Variants in COG3 observed in about 807,000 individuals in gnomAD.
COG3 encodes conserved oligomeric Golgi complex subunit 3.
Under a neutral mutation model 114.1 loss-of-function variants are expected in COG3, and 32 were observed. The ratio of observed to expected loss-of-function variants is 0.28; its 90% confidence interval spans 0.21 to 0.38. The LOEUF (loss-of-function observed/expected upper bound fraction) is 0.38, where lower values mean the gene tolerates loss of function less well. Among genes scored for constraint, COG3 ranks in the 10% least tolerant of loss-of-function variants. The probability of loss-of-function intolerance (pLI) is 1.00; values close to 1 mark genes in which losing one functional copy is unlikely to be tolerated. For synonymous variants in COG3, 352 were observed against 365.7 expected (o/e 0.96, Z 0.43); for missense variants, 813 against 973.2 (o/e 0.84, Z 2.19).
intron 8 of COG3, 46 bp downstream of exon 8, chr13:45,486,621 T>C: frequency 8.7e-7 from 1 of 1,149,110 alleles, no homozygotes; most frequent in Non-Finnish European, 1.3e-6. Context: ...AATTTGTTCA[T>C]CTGCCCTTTT....
rs1342744256 is a variant in COG3 at position 45,486,324 on chromosome 13, A to T, written c.844-171A>T. On this transcript the variant is annotated intron_variant, in intron 7 of 22. Transcript: ENST00000349995. ...GGAGACGGGAGACGGGAGACGGGAG[A>T]CGGGAGACGGGAGACGGGAGAGGGA... is the stretch of plus-strand genomic sequence containing the variant. Among the ~76,000 whole-genome samples, 3 of 43,030 alleles carry T rather than the reference A, an allele frequency of 7.0e-5. 1 individual carries two copies. Among genetic ancestry groups the T allele is most frequent in the African/African-American group, 1.9e-4 (2 of 10,392 alleles). The allele number at this position is 43,030 out of a possible 152,430, so 28.2% of individuals were successfully genotyped here. A position where few individuals can be genotyped will look rare whatever the true frequency, so the allele number is the denominator to read the frequency against.
intron 15 of COG3, 59 bp from the exon 16 acceptor site, chr13:45,511,706 T>A: frequency 7.8e-7 from 1 of 1,287,262 alleles, no homozygotes; most frequent in Non-Finnish European, 1.1e-6. Flanking sequence ...GCCTAGGATA[T>A]TCCTTTTTTT....
intron 2 of COG3, among the ~76,000 whole-genome samples, chr13:45,476,762 A>C (rs1438891426): frequency 6.6e-6 from 1 of 152,110 alleles, no homozygotes; most frequent in Admixed American, 6.6e-5. Flanking sequence ...ATTTTTCAGT[A>C]ATTTAGCATG....
intron 3 of COG3, 93 bp downstream of exon 3, chr13:45,479,159 G>T: frequency 1.1e-6 from 1 of 902,142 alleles, no homozygotes. Flanking sequence ...ATAAAACTGA[G>T]GTATTAAGAA....
In COG3 at chr13:45,493,416, C is replaced by T. The variant is rs1480445617; in HGVS notation, c.1257C>T (p.His419=). 1 of 1,613,072 alleles carries T rather than the reference C, an allele frequency of 6.2e-7. No homozygotes were observed. Among genetic ancestry groups the T allele is most frequent in the African/African-American group, 1.3e-5 (1 of 74,982 alleles). ...VFRPLIIHVI[H]LETLSELCGI... is the part of the protein sequence containing the mutation. ...GGCCATTGATCATTCATGTTATTCA[C>T]TTAGAGACTCTGTCGGAACTTTGTG... is the stretch of plus-strand genomic sequence containing the variant. The change falls in exon 12 of 23, where the codon CAC becomes CAT. Residue 419 remains histidine (H), a synonymous_variant. Transcript: ENST00000349995.
At position 45,494,864 on chromosome 13, in the gene COG3, C is replaced by CTT. The variant is rs56330728; in HGVS notation, c.1328-1275_1328-1274dup. On this transcript the variant is annotated intron_variant, in intron 12 of 22. Coordinates refer to ENST00000349995, the MANE Select transcript of COG3 (RefSeq NM_031431.4). ...TTTTTTTTTTCTTTTTTTCTCTTTT[C>CTT]TTTTTTTTTTTTTTGAGACGGAGTC... Among the ~76,000 whole-genome samples, 974 of 131,686 alleles carry CTT rather than the reference C, an allele frequency of 7.4e-3. 13 individuals are homozygous for CTT. Among genetic ancestry groups the CTT allele is most frequent in the Non-Finnish European group, 8.5e-3 (545 of 64,046 alleles). 86.4% of individuals were successfully genotyped at this position (131,686 alleles called of 152,430 possible).
chr13:45,486,920 G>T (rs1886704369), intron 8 of COG3, among the ~76,000 whole-genome samples: 1 of 152,192 alleles, frequency 6.6e-6, no homozygotes, highest in Non-Finnish European at 1.5e-5. Flanking sequence ...AGACATAAAA[G>T]ACATACATTT....
chr13:45,494,650 G>A (rs767666637), intron 12 of COG3, among the ~76,000 whole-genome samples: 18 of 151,856 alleles, frequency 1.2e-4, no homozygotes, highest in Non-Finnish European at 2.2e-4. Context: ...TCAGTCTCTT[G>A]AGGAGCTGAG....
Position 45,513,562 on chromosome 13 carries a change from A to T in COG3, c.1809+1708A>T, listed in dbSNP as rs192081921. Among the ~76,000 whole-genome samples, 469 of 144,804 alleles carry T rather than the reference A, an allele frequency of 3.2e-3. 10 individuals carry two copies. The highest frequency in any genetic ancestry group is 0.011 in the African/African-American group (445 of 39,404). 95.0% of individuals were successfully genotyped at this position (144,804 alleles called of 152,430 possible). A position where few individuals can be genotyped will look rare whatever the true frequency, so the allele number is the denominator to read the frequency against. On this transcript the variant is annotated intron_variant, in intron 16 of 22. Coordinates refer to ENST00000349995, the MANE Select transcript of COG3 (RefSeq NM_031431.4). ...TATATACATATAAATTATATATATAAAAGTGATATATACATTTTATATATA... is the reference window on the plus strand; with the variant it reads ...TATATACATATAAATTATATATATATAAGTGATATATACATTTTATATATA...
At chr13:45,494,622 G>T (rs1322306202) in intron 12 of COG3, among the ~76,000 whole-genome samples, 1 of 151,738 alleles carries the variant, frequency 6.6e-6, no homozygotes, top group Non-Finnish European at 1.5e-5. Context: ...GCCTCCCGGG[G>T]TCAAGTGATC....
At chr13:45,481,130 C>T (rs999565610) in intron 4 of COG3, 100 bp from the exon 5 acceptor site, 6 of 699,126 alleles carry the variant, frequency 8.6e-6, no homozygotes, top group Non-Finnish European at 1.5e-5. Flanking sequence ...TGATATAAAC[C>T]TCTGTGTCTA....
At chr13:45,470,766 A>G (rs926681383) in intron 1 of COG3, among the ~76,000 whole-genome samples, 16 of 152,230 alleles carry the variant, frequency 1.1e-4, no homozygotes, top group African/African-American at 3.9e-4. Context: ...ATGTTGGAAG[A>G]CTGAAGTTTG....
chr13:45,504,140 C>G (rs926273691), intron 14 of COG3, among the ~76,000 whole-genome samples: 4 of 152,136 alleles, frequency 2.6e-5, no homozygotes, highest in South Asian at 2.1e-4. Flanking sequence ...AAGGTGGGTA[C>G]TGTAACTCCA....
intron 7 of COG3, 35 bp from the exon 8 acceptor site, chr13:45,486,460 A>G (rs1178286729): frequency 2.3e-6 from 3 of 1,298,486 alleles, no homozygotes; most frequent in Non-Finnish European, 3.4e-6. Flanking sequence ...TTTGCTAATT[A>G]TCTTCCTTCC....
chr13:45,491,437 C>T lies in COG3; in HGVS notation c.994C>T (p.His332Tyr), dbSNP rs1887012330. 1.2e-6 allele frequency: 2 copies of T among 1,612,146 alleles called. No homozygotes were observed. The highest frequency in any genetic ancestry group is 1.7e-6 in the Non-Finnish European group (2 of 1,179,316). Residue 332 changes from histidine to tyrosine, a missense_variant, in exon 10 of 23, where the codon CAC becomes TAC. This residue lies in a region of COG3 where 424 missense variants were observed against 430.6 expected (regional missense o/e 0.98). Coordinates refer to ENST00000349995, the MANE Select transcript of COG3 (RefSeq NM_031431.4). Reference protein sequence around the residue: ...PEYQQLLNDIHQCYLDQRELL... With the variant: ...PEYQQLLNDIYQCYLDQRELL... The stretch of plus-strand genomic sequence containing the variant: ...ATACCAACAACTGCTAAATGATATC[C>T]ACCAGTGTTACCTTGATCAGCGGGA...
At chr13:45,476,414 G>T in intron 2 of COG3, 67 bp downstream of exon 2, 1 of 1,481,744 alleles carries the variant, frequency 6.7e-7, no homozygotes, top group Non-Finnish European at 9.3e-7. Context: ...GGCTAATAAA[G>T]TCCTAATTAA....
chr13:45,483,367 G>A lies in COG3; in HGVS notation c.843+12G>A, dbSNP rs775032519. On this transcript the variant is annotated intron_variant, in intron 7 of 22. Transcript: ENST00000349995. ...AGTTACTGAAAAGGGTGAGTTAACT[G>A]ATCTCAACAACAGGTTTTTGTTATT... 3.2e-6 allele frequency: 5 copies of A among 1,551,484 alleles called. No individual in the cohort carries two copies. The highest frequency in any genetic ancestry group is 3.5e-6 in the Non-Finnish European group (4 of 1,150,530).
intron 19 of COG3, among the ~76,000 whole-genome samples, chr13:45,523,851 A>G (rs1872427040): frequency 6.6e-6 from 1 of 152,206 alleles, no homozygotes; most frequent in Admixed American, 6.5e-5. Flanking sequence ...TTACAACGGA[A>G]AATATTTTGG....
intron 19 of COG3, among the ~76,000 whole-genome samples, chr13:45,521,602 C>CACACACAT (rs575068921): frequency 1.3e-5 from 2 of 151,980 alleles, no homozygotes; most frequent in Admixed American, 6.5e-5. Context: ...CACACACACA[C>CACACACAT]GCAACCATTT....
Sources: gnomAD v4.1 joint callset for allele counts (sites outside exome capture counted in the v4.1 genomes callset) on GRCh38, gnomAD v4.1.1 for gene constraint, gnomAD v4.1.1 regional missense constraint, MANE v1.5 for transcripts, NCBI Gene and HGNC (gene_info 2026-07-23, HGNC 2026-07-21) for gene names.